C4orf36: variants seen among roughly 807,000 people sequenced by gnomAD.
C4orf36 encodes the protein chromosome 4 open reading frame 36.
A neutral mutation model predicts 12.2 loss-of-function variants in C4orf36; 11 were observed. The ratio of observed to expected loss-of-function variants is 0.90; its 90% CI spans 0.57 to 1.49. The LOEUF (loss-of-function observed/expected upper bound fraction) is 1.49, where lower values mean the gene tolerates loss of function less well. Among genes scored for constraint, C4orf36 ranks in the 40% most tolerant of loss-of-function variants. C4orf36 has a pLI of 0.00. For missense variants in C4orf36, 137 were observed against 133.9 expected (o/e 1.02, Z -0.11); for synonymous variants, 54 against 51.3 (o/e 1.05, Z -0.22).
chr4:86,894,905 A>G (rs1747556420), upstream of C4orf36, among the ~76,000 whole-genome samples: 1 of 152,210 alleles, frequency 6.6e-6, no homozygotes, highest in Admixed American at 6.5e-5. Flanking sequence ...AAGCCTTCAG[A>G]TAACTTTAGC....
chr4:86,880,367 T>C (rs1024329935), intron 4 of C4orf36, among the ~76,000 whole-genome samples: 9 of 152,126 alleles, frequency 5.9e-5, no homozygotes, highest in Non-Finnish European at 1.3e-4. Context: ...AGGCAGAGAA[T>C]TGCTTGAGCC....
the C4orf36 span, among the ~76,000 whole-genome samples, chr4:86,908,362 G>A: frequency 2.0e-5 from 3 of 151,990 alleles, no homozygotes; most frequent in Admixed American, 6.6e-5. Flanking sequence ...TAAGGAAAAC[G>A]TAACTACAAG....
At chr4:86,929,568 C>T in the C4orf36 span, among the ~76,000 whole-genome samples, 1 of 152,122 alleles carries the variant, frequency 6.6e-6, no homozygotes, top group Non-Finnish European at 1.5e-5. Flanking sequence ...CAGTCAGACC[C>T]AACCACACTC....
chr4:86,918,166 T>C, the C4orf36 span, among the ~76,000 whole-genome samples: 1 of 152,334 alleles, frequency 6.6e-6, no homozygotes, highest in South Asian at 2.1e-4. Context: ...CCTCCTGACC[T>C]AATCATCTCC....
chr4:86,899,844 T>C, the C4orf36 span, among the ~76,000 whole-genome samples: 1 of 152,014 alleles, frequency 6.6e-6, no homozygotes, highest in Non-Finnish European at 1.5e-5. Context: ...TAAATAAAAT[T>C]TCATGAAACT....
the C4orf36 span, among the ~76,000 whole-genome samples, chr4:86,912,805 C>A: frequency 6.6e-6 from 1 of 151,920 alleles, no homozygotes; most frequent in Non-Finnish European, 1.5e-5. Context: ...AATGTGTGTA[C>A]ACATGTTTAC....
At chr4:86,885,911 GC>G (rs1747167064) in intron 4 of C4orf36, among the ~76,000 whole-genome samples, 1 of 152,160 alleles carries the variant, frequency 6.6e-6, no homozygotes, top group Non-Finnish European at 1.5e-5. Flanking sequence ...AGCGTGAAGG[GC>G]TGTTGAATTT....
chr4:86,879,851 CTTTT>C (rs34363324), intron 4 of C4orf36, among the ~76,000 whole-genome samples: 5 of 137,298 alleles, frequency 3.6e-5, no homozygotes, highest in Admixed American at 7.2e-5. Context: ...TGTTTTGTTT[CTTTT>C]TTTTTTTTTT....
upstream of C4orf36, among the ~76,000 whole-genome samples, chr4:86,897,293 G>T (rs1406806366): frequency 6.6e-6 from 1 of 152,106 alleles, no homozygotes; most frequent in African/African-American, 2.4e-5. Flanking sequence ...CCTGGGAGGT[G>T]GAGGTTGCAG....
intron 4 of C4orf36, among the ~76,000 whole-genome samples, chr4:86,877,919 C>T (rs999578186): frequency 7.2e-5 from 11 of 152,066 alleles, no homozygotes; most frequent in Non-Finnish European, 1.0e-4. Context: ...CAAAATAACC[C>T]AATGGTGGGA....
upstream of C4orf36, among the ~76,000 whole-genome samples, chr4:86,894,904 G>A (rs1747556380): frequency 6.6e-6 from 1 of 152,186 alleles, no homozygotes; most frequent in African/African-American, 2.4e-5. Flanking sequence ...CAAGCCTTCA[G>A]ATAACTTTAG....
rs1420771173 is a variant in C4orf36, at chr4:86,888,118, T to C, written c.220+3A>G. 5.0e-6 allele frequency: 8 copies of C among 1,608,226 alleles called. No homozygotes were observed. In the Admixed American group the frequency reaches 1.4e-4, roughly 27 times the overall value. On this transcript the variant is annotated splice_donor_region_variant and intron_variant, in intron 3 of 4. Transcript: ENST00000295898. ...TTATTAAAGCAGAACTTAAGGAACT[T>C]ACATTCTGCAGAAGGGAGCAGTCCA...
In C4orf36 at chr4:86,876,335, T is replaced by C. The variant is rs1177470042; in HGVS notation, c.*111A>G. 6.6e-6 allele frequency: 10 copies of C among 1,525,932 alleles called. No individual in the cohort carries two copies. The highest frequency in any genetic ancestry group is 8.8e-6 in the Non-Finnish European group (10 of 1,137,790). 94.5% of individuals were successfully genotyped at this position (1,525,932 alleles called of 1,614,324 possible). On this transcript the variant is annotated 3_prime_UTR_variant, in exon 5 of 5. Coordinates refer to ENST00000295898, the MANE Select transcript of C4orf36 (RefSeq NM_144645.4). Reference sequence around the variant, plus strand: ...TCCTGAGGTGGGGGCCGGGCCAGGATGGCTGCAGCGCAGCGACGGCCGGGG... The same window carrying C: ...TCCTGAGGTGGGGGCCGGGCCAGGACGGCTGCAGCGCAGCGACGGCCGGGG...
At chr4:86,887,615 G>A in intron 4 of C4orf36, 143 bp downstream of exon 4, 1 of 896,616 alleles carries the variant, frequency 1.1e-6, no homozygotes, top group African/African-American at 1.7e-5. Flanking sequence ...TCAGAACTGG[G>A]TACTAACCCA....
At chr4:86,904,729 AAATAAT>A in the C4orf36 span, among the ~76,000 whole-genome samples, 1 of 151,924 alleles carries the variant, frequency 6.6e-6, no homozygotes, top group Non-Finnish European at 1.5e-5. Flanking sequence ...CCGCATCTCT[AAATAAT>A]AATAATAATA....
chr4:86,889,880 G>GAT (rs1747326845), intron 2 of C4orf36, among the ~76,000 whole-genome samples: 1 of 151,800 alleles, frequency 6.6e-6, no homozygotes, highest in Non-Finnish European at 1.5e-5. Context: ...GTGATAGAGT[G>GAT]ATACCCTGTC....
chr4:86,906,175 C>T, the C4orf36 span, among the ~76,000 whole-genome samples: 4 of 152,086 alleles, frequency 2.6e-5, no homozygotes, highest in Non-Finnish European at 5.9e-5. Context: ...TGCTCAGATC[C>T]GCAATAAACT....
At chr4:86,898,946 C>T in the C4orf36 span, among the ~76,000 whole-genome samples, 3 of 152,070 alleles carry the variant, frequency 2.0e-5, no homozygotes, top group African/African-American at 7.2e-5. Flanking sequence ...TCTGAACCTG[C>T]CAGGCACAGT....
chr4:86,890,110 C>G lies in C4orf36; in HGVS notation c.65+1346G>C, dbSNP rs575332273. ...AGGAGGCTGAGATGGGAGGATCACT[C>G]AAGCCCAGGAGGTGCACAACATTCC... On this transcript the variant is annotated intron_variant, in intron 2 of 4. Coordinates refer to ENST00000295898, the MANE Select transcript of C4orf36 (RefSeq NM_144645.4). 1.3e-3 allele frequency: 588 copies of G among 449,532 alleles called. 5 individuals carry two copies. The highest frequency in any genetic ancestry group is 8.7e-3 in the Admixed American group (359 of 41,466). 27.8% of individuals were successfully genotyped at this position (449,532 alleles called of 1,614,324 possible).
Sources: allele counts gnomAD v4.1 joint callset (sites outside exome capture counted in the v4.1 genomes callset), GRCh38; gene constraint gnomAD v4.1.1; transcripts MANE v1.5; gene names NCBI Gene and HGNC (gene_info 2026-07-23, HGNC 2026-07-21).